LIMA1: variants seen among roughly 807,000 people sequenced by gnomAD.
The protein encoded by LIMA1 is LIM domain and actin-binding protein 1.
LIMA1 carries 52 observed loss-of-function variants against 62.6 expected under a neutral mutation model. The observed-to-expected ratio is 0.83, with a 90% confidence interval of 0.67 to 1.05. LIMA1 has a LOEUF of 1.05. Among genes scored for constraint, LIMA1 ranks in the 50% least tolerant of loss-of-function variants. The pLI is 0.00. For synonymous variants in LIMA1, 302 were observed against 317.8 expected (o/e 0.95, Z 0.53); for missense variants, 780 against 902.2 (o/e 0.86, Z 1.74).
intron 6 of LIMA1, among the ~76,000 whole-genome samples, chr12:50,203,040 C>T (rs1396572371): frequency 7.2e-6 from 1 of 139,066 alleles, no homozygotes; most frequent in African/African-American, 2.7e-5. Flanking sequence ...GATGGAGTCT[C>T]ACCCTGTCAC....
chr12:50,275,379 A>C (rs1942264405), intron 1 of LIMA1, among the ~76,000 whole-genome samples: 1 of 152,178 alleles, frequency 6.6e-6, no homozygotes, highest in South Asian at 2.1e-4. Context: ...ATAATAAAAT[A>C]AAATGAGTTC....
chr12:50,248,614 G>T lies in LIMA1; in HGVS notation c.119+19C>A. On this transcript the variant is annotated intron_variant, in intron 2 of 10. Transcript: ENST00000341247. ...GTGCTCCAGACAGATGGTCCTTTTG[G>T]ACCAGGATCAGCACTTACTTGGAGA... 2 of 1,468,414 alleles carry T rather than the reference G, an allele frequency of 1.4e-6. No individual in the cohort carries two copies. Among genetic ancestry groups the T allele is most frequent in the South Asian group, 1.1e-5 (1 of 87,950 alleles). The allele number at this position is 1,468,414 out of a possible 1,614,324, so 91.0% of individuals were successfully genotyped here. A position where few individuals can be genotyped will look rare whatever the true frequency, so the allele number is the denominator to read the frequency against.
At chr12:50,250,758 A>G (rs1483503321) in intron 1 of LIMA1, among the ~76,000 whole-genome samples, 1 of 152,146 alleles carries the variant, frequency 6.6e-6, no homozygotes, top group Non-Finnish European at 1.5e-5. Context: ...AATGGTAAGG[A>G]GCTCTGGGTT....
rs397936373 is a variant in LIMA1, at chr12:50,252,579, CAAAAAA to C, written c.-23-3811_-23-3806del. On this transcript the variant is annotated intron_variant, in intron 1 of 10. Coordinates refer to ENST00000341247, the MANE Select transcript of LIMA1 (RefSeq NM_016357.5). ...CTGGGTGACAAGAGCGAAACTGTCTCAAAAAAAAAAAAAAAAAAAAAAAGACATAAT... is the reference window on the plus strand; with the variant it reads ...CTGGGTGACAAGAGCGAAACTGTCTCAAAAAAAAAAAAAAAAAGACATAAT... Among the ~76,000 whole-genome samples the C allele has an allele frequency of 6.8e-5, 4 of 59,010 alleles. No homozygotes were observed. In the South Asian group the frequency reaches 2.3e-3, roughly 35 times the overall value. The allele number at this position is 59,010 out of a possible 152,430, so 38.7% of individuals were successfully genotyped here.
chr12:50,263,211 A>G (rs376668645), intron 1 of LIMA1, among the ~76,000 whole-genome samples: 3 of 152,348 alleles, frequency 2.0e-5, no homozygotes, highest in East Asian at 3.9e-4. Flanking sequence ...TAAAAAATAG[A>G]AACTATTTTA....
At chr12:50,272,844 G>T (rs1430978568) in intron 1 of LIMA1, among the ~76,000 whole-genome samples, 1 of 151,528 alleles carries the variant, frequency 6.6e-6, no homozygotes, top group Admixed American at 6.6e-5. Flanking sequence ...TCAGGAGATC[G>T]AGACCATCCT....
chr12:50,262,402 C>G (rs1942082762), intron 1 of LIMA1, among the ~76,000 whole-genome samples: 1 of 152,014 alleles, frequency 6.6e-6, no homozygotes, highest in Non-Finnish European at 1.5e-5. Context: ...GCTCAAAAAA[C>G]CCACATTTTA....
intron 1 of LIMA1, 35 bp from the exon 2 acceptor site, chr12:50,248,809 G>A (rs1442840695): frequency 7.5e-6 from 8 of 1,066,758 alleles, no homozygotes; most frequent in African/African-American, 1.6e-5. Context: ...ATTAGACACA[G>A]AAGAGGATTC....
At chr12:50,254,357 G>A (rs1306905277) in intron 1 of LIMA1, among the ~76,000 whole-genome samples, 2 of 152,160 alleles carry the variant, frequency 1.3e-5, no homozygotes, top group Non-Finnish European at 2.9e-5. Context: ...ACAAATGGCA[G>A]ATTTTTTTCA....
At position 50,177,370 on chromosome 12, in the gene LIMA1, A is replaced by G; in HGVS notation, c.1974T>C (p.Ser658=). The G allele has an allele frequency of 6.2e-7, 1 of 1,614,022 alleles. No individual in the cohort carries two copies. Among genetic ancestry groups the G allele is most frequent in the Non-Finnish European group, 8.5e-7 (1 of 1,180,030 alleles). ...VGKTTWQNKE[S]KGETGKRSKE... Reference sequence around the variant, plus strand: ...TACTTCTCTTCCCTGTCTCTCCTTTAGATTCTTTGTTTTGCCAGGTTGTTT... The same window carrying G: ...TACTTCTCTTCCCTGTCTCTCCTTTGGATTCTTTGTTTTGCCAGGTTGTTT... Residue 658 remains serine, a synonymous_variant, in exon 11 of 11, where the codon TCT becomes TCC. Coordinates refer to ENST00000341247, the MANE Select transcript of LIMA1 (RefSeq NM_016357.5).
At chr12:50,267,774 T>G (rs969387851) in intron 1 of LIMA1, among the ~76,000 whole-genome samples, 3 of 152,060 alleles carry the variant, frequency 2.0e-5, no homozygotes, top group Admixed American at 2.0e-4. Flanking sequence ...TGCCTCGGCC[T>G]CCCAAAGTGC....
At chr12:50,200,589 G>T (rs1941027747) in intron 7 of LIMA1, among the ~76,000 whole-genome samples, 188 bp downstream of exon 7, 1 of 152,190 alleles carries the variant, frequency 6.6e-6, no homozygotes, top group Admixed American at 6.5e-5. Flanking sequence ...CTCATTATTT[G>T]GTCAGCTATA....
chr12:50,205,371 G>A (rs1941132654), intron 5 of LIMA1, among the ~76,000 whole-genome samples: 1 of 151,886 alleles, frequency 6.6e-6, no homozygotes, highest in Admixed American at 6.6e-5. Context: ...CCATGCCTGG[G>A]CTCGTATTTT....
At chr12:50,193,643 T>C (rs1186642271) in intron 8 of LIMA1, among the ~76,000 whole-genome samples, 1 of 86,506 alleles carries the variant, frequency 1.2e-5, no homozygotes, top group African/African-American at 5.7e-5. Flanking sequence ...TGTGTGTGTG[T>C]GTGTGTGTAT....
intron 6 of LIMA1, 36 bp downstream of exon 6, chr12:50,204,516 G>A: frequency 6.5e-7 from 1 of 1,541,184 alleles, no homozygotes; most frequent in Non-Finnish European, 8.8e-7. Flanking sequence ...CTGGATGATG[G>A]AATGAATGAA....
intron 9 of LIMA1, among the ~76,000 whole-genome samples, chr12:50,182,614 A>C (rs1319824708): frequency 6.6e-6 from 1 of 152,230 alleles, no homozygotes; most frequent in East Asian, 1.9e-4. Flanking sequence ...AAGTGGAACA[A>C]TTTATAAGAG....
chr12:50,178,826 T>C (rs1940415569), intron 10 of LIMA1, among the ~76,000 whole-genome samples: 1 of 152,090 alleles, frequency 6.6e-6, no homozygotes, highest in African/African-American at 2.4e-5. Context: ...AAAATTTCTG[T>C]GTAAGTGAAA....
intron 1 of LIMA1, among the ~76,000 whole-genome samples, chr12:50,249,376 C>T (rs1251299367): frequency 6.6e-6 from 1 of 152,066 alleles, no homozygotes; most frequent in Non-Finnish European, 1.5e-5. Flanking sequence ...TAATATCTAT[C>T]TTTAGGAGGT....
At chr12:50,208,281 C>T (rs1292331446) in intron 4 of LIMA1, among the ~76,000 whole-genome samples, 1 of 151,984 alleles carries the variant, frequency 6.6e-6, no homozygotes, top group African/African-American at 2.4e-5. Context: ...GTCAGGAGTT[C>T]GAGACCAGCC....
Sources: gnomAD v4.1 joint callset for allele counts (sites outside exome capture counted in the v4.1 genomes callset) on GRCh38, gnomAD v4.1.1 for gene constraint, MANE v1.5 for transcripts, NCBI Gene and HGNC (gene_info 2026-07-23, HGNC 2026-07-21) for gene names.